Variants in KCNIP4 observed in about 807,000 individuals in gnomAD.
The protein encoded by KCNIP4 is Kv channel-interacting protein 4.
A neutral mutation model predicts 34.0 loss-of-function variants in KCNIP4; 12 were observed. The observed-to-expected ratio is 0.35, with a 90% CI of 0.23 to 0.57. The LOEUF is 0.57. KCNIP4 is among the 20% of genes least tolerant of loss of function. KCNIP4 has a pLI of 0.83. For missense variants in KCNIP4, 238 were observed against 311.7 expected (o/e 0.76, Z 1.78); for synonymous variants, 124 against 102.2 (o/e 1.21, Z -1.29).
chr4:21,047,110 T>C (rs1742495763), intron 1 of KCNIP4, among the ~76,000 whole-genome samples: 1 of 152,232 alleles, frequency 6.6e-6, no homozygotes, highest in Non-Finnish European at 1.5e-5. Flanking sequence ...GTTGAAAACA[T>C]ATTATCTTCT....
chr4:21,056,394 T>A (rs1032900174), intron 1 of KCNIP4, among the ~76,000 whole-genome samples: 21 of 152,192 alleles, frequency 1.4e-4, no homozygotes, highest in African/African-American at 4.8e-4. Flanking sequence ...CCATGATGAA[T>A]CATTTTTTCT....
At chr4:21,517,839 C>T (rs1734888948) in intron 1 of KCNIP4, among the ~76,000 whole-genome samples, 1 of 152,160 alleles carries the variant, frequency 6.6e-6, no homozygotes, top group African/African-American at 2.4e-5. Context: ...ATTACCCTCT[C>T]TGCATGCACA....
intron 3 of KCNIP4, among the ~76,000 whole-genome samples, chr4:20,788,824 C>A (rs1478386890): frequency 6.6e-6 from 1 of 152,060 alleles, no homozygotes; most frequent in Admixed American, 6.6e-5. Flanking sequence ...CCTTCTCAGC[C>A]ACACAAAAGA....
intron 1 of KCNIP4, among the ~76,000 whole-genome samples, chr4:21,546,006 G>T (rs556592594): frequency 3.2e-4 from 48 of 152,014 alleles, no homozygotes; most frequent in Admixed American, 5.2e-4. Flanking sequence ...ACCAACACTT[G>T]CTTTCACTTT....
At chr4:21,304,837 G>A (rs374842785) in intron 1 of KCNIP4, among the ~76,000 whole-genome samples, 12 of 152,178 alleles carry the variant, frequency 7.9e-5, no homozygotes, top group African/African-American at 2.6e-4. Flanking sequence ...TAGTATCTTA[G>A]AGTTTAGCAG....
intron 1 of KCNIP4, among the ~76,000 whole-genome samples, chr4:21,290,705 G>A (rs1460926701): frequency 6.6e-6 from 1 of 152,172 alleles, no homozygotes; most frequent in African/African-American, 2.4e-5. Context: ...AGATGACACT[G>A]ATTAGGTGAG....
chr4:21,613,987 CA>C (rs558647510), intron 1 of KCNIP4, among the ~76,000 whole-genome samples: 2,656 of 131,568 alleles, frequency 0.02, 21 homozygotes, highest in Non-Finnish European at 0.024. Context: ...ACTAAAAATA[CA>C]AAAAAAAAAA....
At chr4:21,044,415 G>T (rs1480457942) in intron 1 of KCNIP4, among the ~76,000 whole-genome samples, 1 of 152,036 alleles carries the variant, frequency 6.6e-6, no homozygotes, top group African/African-American at 2.4e-5. Context: ...GGGTTCAGGT[G>T]ATTCTCCTAC....
chr4:21,585,118 T>A lies in KCNIP4; in HGVS notation c.61+363453A>T, dbSNP rs917724888. 4.6e-5 allele frequency among the ~76,000 whole-genome samples: 7 copies of A among 152,178 alleles called. No individual in the cohort carries two copies. In the East Asian group the frequency reaches 1.4e-3, roughly 30 times the overall value. ...ACATATAACAGTAATCATTAATAAGTATAGAATGTTCAGTGACCCCAGTGC... is the reference window on the plus strand; with the variant it reads ...ACATATAACAGTAATCATTAATAAGAATAGAATGTTCAGTGACCCCAGTGC... On this transcript the variant is annotated intron_variant, in intron 1 of 8. Coordinates refer to ENST00000382152, the MANE Select transcript of KCNIP4 (RefSeq NM_025221.6).
chr4:21,395,737 TG>T (rs1383004286), intron 1 of KCNIP4, among the ~76,000 whole-genome samples: 6 of 152,154 alleles, frequency 3.9e-5, no homozygotes, highest in Non-Finnish European at 8.8e-5. Context: ...CATACACATA[TG>T]TCATCATCAT....
At chr4:21,663,512 C>T (rs1275904937) in intron 1 of KCNIP4, among the ~76,000 whole-genome samples, 1 of 152,098 alleles carries the variant, frequency 6.6e-6, no homozygotes, top group Non-Finnish European at 1.5e-5. Flanking sequence ...TACTCTACTA[C>T]CTGCTTTCTT....
intron 3 of KCNIP4, among the ~76,000 whole-genome samples, chr4:20,820,262 G>A (rs553106164): frequency 1.8e-4 from 28 of 152,126 alleles, no homozygotes; most frequent in Non-Finnish European, 3.8e-4. Flanking sequence ...AGGAACGAGG[G>A]ATTGTAAACT....
At chr4:21,248,010 A>G (rs1760420049) in intron 1 of KCNIP4, among the ~76,000 whole-genome samples, 1 of 144,870 alleles carries the variant, frequency 6.9e-6, no homozygotes, top group Non-Finnish European at 1.5e-5. Flanking sequence ...CACACCCCCC[A>G]CAGGTGGATA....
chr4:21,165,765 G>T (rs1240063684), intron 1 of KCNIP4, among the ~76,000 whole-genome samples: 1 of 152,154 alleles, frequency 6.6e-6, no homozygotes, highest in Non-Finnish European at 1.5e-5. Flanking sequence ...TATGGGGGAG[G>T]GAGTGGTATG....
chr4:21,943,380 T>G (rs1273203661), intron 1 of KCNIP4, among the ~76,000 whole-genome samples: 2 of 152,042 alleles, frequency 1.3e-5, no homozygotes, highest in African/African-American at 4.8e-5. Context: ...AGGAAGTTAA[T>G]TCTAAGCAGT....
At chr4:21,600,160 C>T (rs1742992263) in intron 1 of KCNIP4, among the ~76,000 whole-genome samples, 1 of 152,036 alleles carries the variant, frequency 6.6e-6, no homozygotes, top group Non-Finnish European at 1.5e-5. Flanking sequence ...TAAGGTATGG[C>T]TTCCTCCCTA....
At chr4:21,023,183 C>G (rs1399297718) in intron 1 of KCNIP4, among the ~76,000 whole-genome samples, 1 of 152,152 alleles carries the variant, frequency 6.6e-6, no homozygotes, top group African/African-American at 2.4e-5. Context: ...AAGACATTAA[C>G]TAGTAGTCAT....
chr4:21,263,956 A>AAT (rs1046113799), intron 1 of KCNIP4, among the ~76,000 whole-genome samples: 153 of 151,624 alleles, frequency 1.0e-3, no homozygotes, highest in African/African-American at 3.6e-3. Flanking sequence ...TGCCCAGCCC[A>AAT]ATATATATAT....
At chr4:20,979,782 C>T (rs1175273595) in intron 1 of KCNIP4, among the ~76,000 whole-genome samples, 3 of 149,306 alleles carry the variant, frequency 2.0e-5, no homozygotes, top group Non-Finnish European at 4.5e-5. Flanking sequence ...CCACTTGCTC[C>T]CCCAAAGTTG....
Sources: gnomAD v4.1 joint callset for allele counts (sites outside exome capture counted in the v4.1 genomes callset) on GRCh38, gnomAD v4.1.1 for gene constraint, MANE v1.5 for transcripts, NCBI Gene and HGNC (gene_info 2026-07-23, HGNC 2026-07-21) for gene names.